The following MEOX2 variants were observed in gnomAD, a reference collection of about 807,000 sequenced individuals.
MEOX2 encodes the protein mesenchyme homeobox 2.
In MEOX2, 11 loss-of-function variants were observed where a neutral mutation model predicts 27.0. The observed-to-expected ratio is 0.41, with a 90% CI of 0.26 to 0.68. The LOEUF (loss-of-function observed/expected upper bound fraction) is 0.68. Among genes scored for constraint, MEOX2 ranks in the 30% least tolerant of loss-of-function variants. MEOX2 has a pLI of 0.33. For synonymous variants in MEOX2, 189 were observed against 155.4 expected, an observed-to-expected ratio of 1.22 and a Z score of -1.61; for missense variants, 436 against 385.4, an observed-to-expected ratio of 1.13 and a Z score of -1.10.
chr7:15,663,478 G>T (rs766186071), intron 1 of MEOX2, among the ~76,000 whole-genome samples: 1 of 149,732 alleles, frequency 6.7e-6, no homozygotes, highest in South Asian at 2.1e-4. Context: ...GGTTACAGGC[G>T]CATGCCACCA....
intron 2 of MEOX2, among the ~76,000 whole-genome samples, chr7:15,617,342 A>G (rs1781139548): frequency 6.6e-6 from 1 of 152,056 alleles, no homozygotes; most frequent in Non-Finnish European, 1.5e-5. Context: ...TGCAAAGGAT[A>G]ATTGTACAAA....
chr7:15,631,856 A>C (rs1781407809), intron 1 of MEOX2, among the ~76,000 whole-genome samples: 1 of 149,432 alleles, frequency 6.7e-6, no homozygotes, highest in African/African-American at 2.4e-5. Flanking sequence ...AATTTATCAC[A>C]GGCTATAAAA....
chr7:15,651,359 C>T (rs569260053), intron 1 of MEOX2, among the ~76,000 whole-genome samples: 34 of 151,938 alleles, frequency 2.2e-4, no homozygotes, highest in African/African-American at 8.2e-4. Flanking sequence ...TTAACTCTGG[C>T]ATGTTCTTAA....
At chr7:15,655,994 T>A (rs1184151988) in intron 1 of MEOX2, among the ~76,000 whole-genome samples, 1 of 151,808 alleles carries the variant, frequency 6.6e-6, no homozygotes, top group Non-Finnish European at 1.5e-5. Context: ...CTCCTATTAG[T>A]TCTATCAGTT....
chr7:15,614,202 G>GATAAAATAAAATAAA (rs60984021), intron 2 of MEOX2, among the ~76,000 whole-genome samples: 212 of 142,240 alleles, frequency 1.5e-3, no homozygotes, highest in South Asian at 3.3e-3. Context: ...CAAATAAATA[G>GATAAAATAAAATAAA]ATAAAATAAA....
chr7:15,674,805 G>C (rs1400742384), intron 1 of MEOX2, among the ~76,000 whole-genome samples: 1 of 152,130 alleles, frequency 6.6e-6, no homozygotes, highest in Non-Finnish European at 1.5e-5. Flanking sequence ...TGGGGAAGAT[G>C]GGTGTGAACA....
intron 1 of MEOX2, among the ~76,000 whole-genome samples, chr7:15,670,412 C>T (rs1185034653): frequency 6.6e-6 from 1 of 152,148 alleles, no homozygotes; most frequent in Non-Finnish European, 1.5e-5. Context: ...CTGATAATCT[C>T]TTTGTCCATT....
At chr7:15,666,785 T>A (rs200278747) in intron 1 of MEOX2, among the ~76,000 whole-genome samples, 426 of 41,342 alleles carry the variant, frequency 0.01, 1 homozygote, top group African/African-American at 0.015. Context: ...AAAAAATATA[T>A]ATATATATAT....
intron 2 of MEOX2, among the ~76,000 whole-genome samples, chr7:15,622,696 A>T (rs10242014): frequency 0.54 from 82,145 of 151,954 alleles, 23,112 homozygotes; most frequent in East Asian, 0.78. Context: ...ATGGCTAAAC[A>T]TAGCATTTAT....
rs535970820 is a variant in MEOX2 at position 15,622,912 on chromosome 7, C to A, written c.690+3834G>T. 3.9e-5 allele frequency among the ~76,000 whole-genome samples: 6 copies of A among 152,140 alleles called. No homozygotes were observed. The South Asian group carries it at 1.2e-3, about 32-fold the overall frequency. ...AAAGAGGTCCCAGAGAGCTACCTAG[C>A]CTCTTCAGCCATCATATCAAGGTAG... On this transcript the variant is annotated intron_variant, in intron 2 of 2. Coordinates refer to ENST00000262041, the MANE Select transcript of MEOX2 (RefSeq NM_005924.5).
At chr7:15,662,020 G>A (rs1781926832) in intron 1 of MEOX2, among the ~76,000 whole-genome samples, 1 of 151,840 alleles carries the variant, frequency 6.6e-6, no homozygotes, top group Non-Finnish European at 1.5e-5. Context: ...TTCATCTGAA[G>A]CAAGTCCATC....
chr7:15,620,718 T>G (rs1360451605), intron 2 of MEOX2, among the ~76,000 whole-genome samples: 2 of 152,178 alleles, frequency 1.3e-5, no homozygotes, highest in African/African-American at 4.8e-5. Context: ...GATTTATGAG[T>G]AAAAAACAAA....
chr7:15,644,016 A>T (rs552411691), intron 1 of MEOX2, among the ~76,000 whole-genome samples: 5 of 152,280 alleles, frequency 3.3e-5, no homozygotes, highest in African/African-American at 9.6e-5. Context: ...GGTGGCTGGA[A>T]GGCAAGGCAA....
chr7:15,640,013 G>A (rs1562601991), intron 1 of MEOX2, among the ~76,000 whole-genome samples: 1 of 152,006 alleles, frequency 6.6e-6, no homozygotes, highest in Non-Finnish European at 1.5e-5. Context: ...TTCTAATTCT[G>A]TGAAAAATGA....
At chr7:15,615,695 A>T (rs1781113560) in intron 2 of MEOX2, among the ~76,000 whole-genome samples, 1 of 151,872 alleles carries the variant, frequency 6.6e-6, no homozygotes, top group Non-Finnish European at 1.5e-5. Flanking sequence ...TCTCTACCTC[A>T]ATTTTCATAT....
intron 1 of MEOX2, among the ~76,000 whole-genome samples, chr7:15,666,751 CAAAAAAAAAAAAAAA>C (rs61294753): frequency 3.2e-5 from 2 of 63,060 alleles, no homozygotes; most frequent in African/African-American, 1.8e-4. Context: ...GACTCTGTCT[CAAAAAAAAAAAAAAA>C]AAAAAAAAAA....
intron 2 of MEOX2, among the ~76,000 whole-genome samples, chr7:15,618,389 A>G (rs1352020241): frequency 6.6e-6 from 1 of 152,024 alleles, no homozygotes; most frequent in Non-Finnish European, 1.5e-5. Flanking sequence ...CTGAATAGCA[A>G]TACCTGAAGA....
At chr7:15,665,041 TCA>T (rs35772927) in intron 1 of MEOX2, among the ~76,000 whole-genome samples, 11,526 of 141,002 alleles carry the variant, frequency 0.082, 509 homozygotes, top group African/African-American at 0.11. Context: ...TAAGTGGACA[TCA>T]CACACACACA....
chr7:15,635,892 G>A (rs1453980838), intron 1 of MEOX2, among the ~76,000 whole-genome samples: 2 of 151,914 alleles, frequency 1.3e-5, no homozygotes, highest in African/African-American at 4.8e-5. Context: ...AAGGCTTAGT[G>A]GTATCAGTGT....
Sources: gnomAD v4.1 joint callset for allele counts (sites outside exome capture counted in the v4.1 genomes callset) on GRCh38, gnomAD v4.1.1 for gene constraint, MANE v1.5 for transcripts, NCBI Gene and HGNC (gene_info 2026-07-23, HGNC 2026-07-21) for gene names.